SASS6: variants seen among roughly 807,000 people sequenced by gnomAD.
SASS6 encodes the protein spindle assembly abnormal protein 6 homolog.
Under a neutral mutation model 94.9 loss-of-function variants are expected in SASS6, and 59 were observed. The ratio of observed to expected loss-of-function variants is 0.62; its 90% confidence interval spans 0.50 to 0.77. The LOEUF is 0.77. SASS6 is among the 30% of genes least tolerant of loss of function. The pLI, the probability that SASS6 is intolerant of heterozygous loss-of-function variation, is 0.00. For synonymous variants in SASS6, 264 were observed against 270.0 expected (o/e 0.98, Z 0.22); for missense variants, 698 against 734.1 (o/e 0.95, Z 0.57).
At chr1:100,102,352 C>T (rs987086576) in intron 14 of SASS6, among the ~76,000 whole-genome samples, 2 of 151,838 alleles carry the variant, frequency 1.3e-5, no homozygotes, top group Non-Finnish European at 1.5e-5. Context: ...GGCCTGAGAG[C>T]GTAGGAGACA....
chr1:100,109,733 C>G (rs72973327), intron 8 of SASS6, among the ~76,000 whole-genome samples: 395 of 152,118 alleles, frequency 2.6e-3, no homozygotes, highest in African/African-American at 9.1e-3. Flanking sequence ...ACTTATTTAA[C>G]CTTTCTGTGC....
Position 100,105,896 on chromosome 1 carries a change from C to T in SASS6, c.1416G>A (p.Thr472=), listed in dbSNP as rs775101844. 46 of 1,592,288 alleles carry T rather than the reference C, an allele frequency of 2.9e-5. No individual in the cohort carries two copies. Among genetic ancestry groups the T allele is most frequent in the South Asian group, 2.4e-4 (21 of 87,990 alleles). ...QLLKNNEKLI[T]WLNKELNENQ... is the part of the protein sequence containing the mutation. Reference sequence around the variant, plus strand: ...TTTCATTTAGTTCTTTATTTAACCACGTGATTACTTAAATAAAAGAACAAG... The same window carrying T: ...TTTCATTTAGTTCTTTATTTAACCATGTGATTACTTAAATAAAAGAACAAG... Residue 472 remains threonine, a synonymous_variant, in exon 13 of 17, where the codon ACG becomes ACA. Transcript: ENST00000287482.
chr1:100,089,515 T>C (rs947481473), intron 14 of SASS6, among the ~76,000 whole-genome samples: 12 of 152,122 alleles, frequency 7.9e-5, no homozygotes, highest in African/African-American at 2.9e-4. Flanking sequence ...AAAAGGTCAC[T>C]TTATATAAAG....
intron 14 of SASS6, among the ~76,000 whole-genome samples, chr1:100,101,141 G>T (rs1337574397): frequency 6.6e-6 from 1 of 152,160 alleles, no homozygotes; most frequent in Non-Finnish European, 1.5e-5. Flanking sequence ...TGTAAGAGTT[G>T]AATGTTGTTT....
chr1:100,132,870 G>C lies in SASS6; in HGVS notation c.-56C>G. The C allele has an allele frequency of 2.0e-6, 3 of 1,510,014 alleles. No homozygotes were observed. Among genetic ancestry groups the C allele is most frequent in the Non-Finnish European group, 2.8e-6 (3 of 1,086,082 alleles). The allele number at this position is 1,510,014 out of a possible 1,614,324, so 93.5% of individuals were successfully genotyped here. On this transcript the variant is annotated 5_prime_UTR_variant, in exon 1 of 17. The change creates a new upstream start codon in the 5' untranslated region. Coordinates refer to ENST00000287482, the MANE Select transcript of SASS6 (RefSeq NM_194292.3). ...AAAGCCCAACAGGCCCGGCCCTCGG[G>C]ATTAGCCTGAGAGGTCCGGGTCCTG...
intron 14 of SASS6, among the ~76,000 whole-genome samples, chr1:100,089,228 A>T (rs1462127014): frequency 1.3e-5 from 2 of 152,186 alleles, no homozygotes; most frequent in Non-Finnish European, 2.9e-5. Flanking sequence ...AAAATGAAAT[A>T]AATAATAATG....
In SASS6 at chr1:100,107,725, A is replaced by AT. The variant is rs761964493; in HGVS notation, c.1057-9dup. ...ATTTTCTTCTAAAACCACCTGATAT[A>AT]TTTTTTAAAAACATGAATAATTAGG... On this transcript the variant is annotated splice_polypyrimidine_tract_variant and intron_variant, in intron 9 of 16. Coordinates refer to ENST00000287482, the MANE Select transcript of SASS6 (RefSeq NM_194292.3). 20 of 1,581,260 alleles carry AT rather than the reference A, an allele frequency of 1.3e-5. No homozygotes were observed. Among genetic ancestry groups the AT allele is most frequent in the Middle Eastern group, 3.4e-4 (2 of 5,962 alleles).
intron 1 of SASS6, 42 bp from the exon 2 acceptor site, chr1:100,125,984 G>A (rs745393253): frequency 1.1e-5 from 11 of 999,616 alleles, no homozygotes; most frequent in South Asian, 9.0e-5. Context: ...ACATTCACAC[G>A]AAATGAGTTA....
In SASS6 at chr1:100,123,267, TC is replaced by T; in HGVS notation, c.148del (p.Asp50MetfsTer21). The T allele has an allele frequency of 6.4e-7, 1 of 1,556,776 alleles. No homozygotes were observed. The highest frequency in any genetic ancestry group is 1.4e-5 in the African/African-American group (1 of 73,160). ...HRKDLVIRLT[D>X]DTDPFFLYNL... is the part of the protein sequence containing the mutation. Reference sequence around the variant, plus strand: ...ATATAAAAAAAATGGATCCGTGTCATCAGTCAGACGAATAACTAAGTCCTAA... The same window carrying T: ...ATATAAAAAAAATGGATCCGTGTCATAGTCAGACGAATAACTAAGTCCTAA... On this transcript the variant is annotated frameshift_variant, in exon 3 of 17. Transcript: ENST00000287482. LOFTEE classifies it high-confidence loss of function.
chr1:100,101,279 A>T (rs1652480061), intron 14 of SASS6, among the ~76,000 whole-genome samples: 1 of 151,872 alleles, frequency 6.6e-6, no homozygotes, highest in South Asian at 2.1e-4. Flanking sequence ...TAAATTCACA[A>T]ATAAATACAC....
At chr1:100,086,852 G>C (rs1183174374) in intron 15 of SASS6, among the ~76,000 whole-genome samples, 2 of 151,944 alleles carry the variant, frequency 1.3e-5, no homozygotes, top group African/African-American at 4.8e-5. Flanking sequence ...GGCCTATGAT[G>C]AATTAAATAT....
At chr1:100,123,997 A>G (rs1159620994) in intron 2 of SASS6, among the ~76,000 whole-genome samples, 2 of 152,252 alleles carry the variant, frequency 1.3e-5, no homozygotes, top group African/African-American at 4.8e-5. Context: ...GAAAAACAGC[A>G]TTAGTTACAA....
At chr1:100,106,399 A>G (rs1273496809) in intron 12 of SASS6, among the ~76,000 whole-genome samples, 1 of 152,220 alleles carries the variant, frequency 6.6e-6, no homozygotes, top group Non-Finnish European at 1.5e-5. Context: ...CCTATGGGAT[A>G]TGGTTTTCTT....
At chr1:100,120,825 C>T (rs959721823) in intron 5 of SASS6, among the ~76,000 whole-genome samples, 49 of 151,680 alleles carry the variant, frequency 3.2e-4, no homozygotes, top group Non-Finnish European at 4.6e-4. Flanking sequence ...CCGAGGCGGG[C>T]GGATCACGAG....
intron 1 of SASS6, among the ~76,000 whole-genome samples, chr1:100,130,662 C>A (rs914246400): frequency 7.0e-6 from 1 of 142,828 alleles, no homozygotes; most frequent in South Asian, 2.2e-4. Flanking sequence ...ATACTCCAGT[C>A]TGGGCAACAG....
intron 6 of SASS6, among the ~76,000 whole-genome samples, chr1:100,119,415 G>T (rs1315375502): frequency 6.6e-6 from 1 of 152,156 alleles, no homozygotes; most frequent in Admixed American, 6.5e-5. Flanking sequence ...AATAAAGAGG[G>T]GTAAGGGGAA....
chr1:100,123,070 G>A (rs1334895687), intron 3 of SASS6, 140 bp downstream of exon 3: 1 of 470,416 alleles, frequency 2.1e-6, no homozygotes, highest in East Asian at 3.9e-5. Context: ...AACACCCTAA[G>A]TAAAGATAGT....
intron 7 of SASS6, among the ~76,000 whole-genome samples, chr1:100,111,983 T>C (rs1176090941): frequency 6.6e-6 from 1 of 151,312 alleles, no homozygotes; most frequent in Non-Finnish European, 1.5e-5. Flanking sequence ...GATTTTTGTT[T>C]AAAAAAAAAG....
chr1:100,121,596 A>C, intron 4 of SASS6, 47 bp from the exon 5 acceptor site: 1 of 1,067,248 alleles, frequency 9.4e-7, no homozygotes, highest in Non-Finnish European at 1.4e-6. Flanking sequence ...GAGATAGTGA[A>C]AATCTCTCAC....
Sources: allele counts gnomAD v4.1 joint callset (sites outside exome capture counted in the v4.1 genomes callset), GRCh38; gene constraint gnomAD v4.1.1; transcripts MANE v1.5; gene names NCBI Gene and HGNC (gene_info 2026-07-23, HGNC 2026-07-21).